The following PDXK variants were observed in gnomAD, a reference collection of about 807,000 sequenced individuals.
PDXK encodes pyridoxal kinase.
PDXK carries 15 observed loss-of-function variants against 43.2 expected under a neutral mutation model. That is an observed-to-expected ratio of 0.35 (90% CI 0.23 to 0.53). The LOEUF (loss-of-function observed/expected upper bound fraction) is 0.53. PDXK is among the 20% of genes least tolerant of loss of function. The pLI is 0.92. For missense variants in PDXK, 343 were observed against 417.0 expected (o/e 0.82, Z 1.54); for synonymous variants, 172 against 165.4 (o/e 1.04, Z -0.31).
intron 1 of PDXK, chr21:43,719,847 C>T (rs2083192114): frequency 6.1e-6 from 6 of 985,480 alleles, no homozygotes; most frequent in Non-Finnish European, 7.2e-6. Flanking sequence ...GCGCTCACCT[C>T]CTGGGCCCCT....
At chr21:43,744,484 G>A (rs902986574) in intron 4 of PDXK, 1 of 153,196 alleles carries the variant, frequency 6.5e-6, no homozygotes, top group South Asian at 2.0e-4. Context: ...AGTGCTTGTC[G>A]GTACAGACGT....
intron 3 of PDXK, among the ~76,000 whole-genome samples, chr21:43,742,980 G>A (rs1159531352): frequency 6.6e-6 from 1 of 152,130 alleles, no homozygotes; most frequent in African/African-American, 2.4e-5. Context: ...GAAGCACAGC[G>A]TTTCTGTTGA....
intron 2 of PDXK, chr21:43,738,358 C>T (rs1166614416): frequency 1.1e-4 from 17 of 152,292 alleles, no homozygotes; most frequent in Admixed American, 1.1e-3. Context: ...ACCTTGGACC[C>T]CCGTGCCCAG....
At position 43,737,297 on chromosome 21, in the gene PDXK, A is replaced by T; in HGVS notation, c.142+3174A>T. The T allele has an allele frequency of 1.4e-6, 2 of 1,396,552 alleles. No homozygotes were observed. The highest frequency in any genetic ancestry group is 1.9e-6 in the Non-Finnish European group (2 of 1,076,856). The allele number at this position is 1,396,552 out of a possible 1,614,324, so 86.5% of individuals were successfully genotyped here. A position where few individuals can be genotyped will look rare whatever the true frequency, so the allele number is the denominator to read the frequency against. On this transcript the variant is annotated intron_variant, in intron 2 of 10. Coordinates refer to ENST00000291565, the MANE Select transcript of PDXK (RefSeq NM_003681.5). The surrounding 1 kb of genome is among the most constrained non-coding windows in gnomAD (Gnocchi z 4.8). The stretch of plus-strand genomic sequence containing the variant: ...ACCTGGCGCAGGCCTCGCCGCCTCG[A>T]GGCTGCTGCTCGCACTTCTGCCCCT...
chr21:43,746,064 C>G lies in PDXK; in HGVS notation c.332-15C>G. On this transcript the variant is annotated splice_polypyrimidine_tract_variant and intron_variant, in intron 4 of 10. Coordinates refer to ENST00000291565, the MANE Select transcript of PDXK (RefSeq NM_003681.5). Reference sequence around the variant, plus strand: ...CTGTAGCCTTTGCTGATAAGATGCCCTTGTGTCTCTGCAGTGTGTGATCCA... The same window carrying G: ...CTGTAGCCTTTGCTGATAAGATGCCGTTGTGTCTCTGCAGTGTGTGATCCA... 1 of 1,609,420 alleles carries G rather than the reference C, an allele frequency of 6.2e-7. No homozygotes were observed.
At chr21:43,724,060 C>G (rs1360107100) in intron 1 of PDXK, among the ~76,000 whole-genome samples, 1 of 152,232 alleles carries the variant, frequency 6.6e-6, no homozygotes, top group African/African-American at 2.4e-5. Context: ...CTCCCTGCAG[C>G]CCCCACCAGA....
At chr21:43,741,646 C>T in intron 2 of PDXK, 21 bp from the exon 3 acceptor site, 1 of 1,605,204 alleles carries the variant, frequency 6.2e-7, no homozygotes, top group African/African-American at 1.3e-5. Context: ...TCTGAGCCCC[C>T]ATGGCTTCCT....
chr21:43,726,745 C>T (rs968387859), intron 1 of PDXK, among the ~76,000 whole-genome samples: 2 of 152,114 alleles, frequency 1.3e-5, no homozygotes, highest in Non-Finnish European at 2.9e-5. Flanking sequence ...TCCCTCTTGC[C>T]TCTGGCTCTA....
Position 43,756,184 on chromosome 21 carries a change from T to C in PDXK, c.*121T>C. ...ACTTGATATTTTTTTCTTTCATGAG[T>C]GTCCGGCATCTGCTGGTCTTCATTG... is the stretch of plus-strand genomic sequence containing the variant. On this transcript the variant is annotated 3_prime_UTR_variant, in exon 11 of 11. Coordinates refer to ENST00000291565, the MANE Select transcript of PDXK (RefSeq NM_003681.5). The C allele has an allele frequency of 4.9e-6, 3 of 610,146 alleles. No homozygotes were observed. The highest frequency in any genetic ancestry group is 8.8e-6 in the Non-Finnish European group (3 of 342,482). 37.8% of individuals were successfully genotyped at this position (610,146 alleles called of 1,614,324 possible).
chr21:43,743,643 G>A, intron 3 of PDXK, 81 bp from the exon 4 acceptor site: 2 of 987,912 alleles, frequency 2.0e-6, no homozygotes, highest in Non-Finnish European at 3.2e-6. Flanking sequence ...AGGGTCTGCT[G>A]GTGCTTCTCT....
rs1020031895 is a variant in PDXK at position 43,738,088 on chromosome 21, A to C, written c.143-3579A>C. 5.1e-6 allele frequency: 5 copies of C among 975,536 alleles called. No homozygotes were observed. In the African/African-American group the frequency reaches 8.8e-5, roughly 17 times the overall value. 60.4% of individuals were successfully genotyped at this position (975,536 alleles called of 1,614,324 possible). A position where few individuals can be genotyped will look rare whatever the true frequency, so the allele number is the denominator to read the frequency against. On this transcript the variant is annotated intron_variant, in intron 2 of 10. Transcript: ENST00000291565. ...GTTATGGCTGAATTACGTCCCCCCA[A>C]ATTCTCATGTTGCAGCCTTAACCCC...
At chr21:43,725,524 G>A (rs184623971) in intron 1 of PDXK, among the ~76,000 whole-genome samples, 20 of 151,736 alleles carry the variant, frequency 1.3e-4, no homozygotes, top group Middle Eastern at 3.4e-3. Flanking sequence ...AAAAGCCAGC[G>A]CTGGGCCAGG....
chr21:43,719,367 A>G lies in PDXK; in HGVS notation c.73A>G (p.Thr25Ala). 1 of 1,524,416 alleles carries G rather than the reference A, an allele frequency of 6.6e-7. No homozygotes were observed. The allele number at this position is 1,524,416 out of a possible 1,614,324, so 94.4% of individuals were successfully genotyped here. ...IRGYVGNRAA[T>A]FPLQVLGFEI... ...CGGCTACGTGGGCAACCGGGCGGCCACGTTCCCGCTGCAGGTACGCATCCG... is the reference window on the plus strand; with the variant it reads ...CGGCTACGTGGGCAACCGGGCGGCCGCGTTCCCGCTGCAGGTACGCATCCG... The change falls in exon 1 of 11, where the codon ACG (threonine) becomes GCG (alanine). Residue 25 changes from threonine (T) to alanine (A), a missense_variant. Physicochemically the swap from Thr to Ala is moderately conservative, Grantham distance 58. Coordinates refer to ENST00000291565, the MANE Select transcript of PDXK (RefSeq NM_003681.5).
At chr21:43,739,771 T>G (rs2083462030) in intron 2 of PDXK, among the ~76,000 whole-genome samples, 1 of 151,682 alleles carries the variant, frequency 6.6e-6, no homozygotes. Flanking sequence ...CCAGGCCATG[T>G]CACCTCCCCA....
At chr21:43,722,602 A>G (rs979920783) in intron 1 of PDXK, among the ~76,000 whole-genome samples, 3 of 151,874 alleles carry the variant, frequency 2.0e-5, no homozygotes, top group Admixed American at 1.3e-4. Flanking sequence ...GTCTGAGACC[A>G]GGGTGTGGGC....
chr21:43,730,504 C>G (rs1568974825), intron 1 of PDXK, among the ~76,000 whole-genome samples: 1 of 152,180 alleles, frequency 6.6e-6, no homozygotes, highest in Non-Finnish European at 1.5e-5. Context: ...AAACTACCAA[C>G]CTGAGCAGGA....
intron 9 of PDXK, 164 bp from the exon 10 acceptor site, chr21:43,755,534 A>C: frequency 1.5e-6 from 1 of 664,298 alleles, no homozygotes; most frequent in Non-Finnish European, 2.7e-6. Flanking sequence ...GGCAGTCCGC[A>C]GCCTGTCCTC....
At chr21:43,755,418 C>T in intron 9 of PDXK, 1 of 464,530 alleles carries the variant, frequency 2.2e-6, no homozygotes, top group Non-Finnish European at 3.9e-6. Flanking sequence ...TGCTGCCTGC[C>T]AAGTTCTATG....
At chr21:43,748,912 C>T in intron 5 of PDXK, 83 bp from the exon 6 acceptor site, 3 of 813,050 alleles carry the variant, frequency 3.7e-6, no homozygotes, top group Non-Finnish European at 6.2e-6. Flanking sequence ...GGGGAGCACT[C>T]CGTGGTGGGC....
Sources: allele counts gnomAD v4.1 joint callset (sites outside exome capture counted in the v4.1 genomes callset), GRCh38; gene constraint gnomAD v4.1.1; non-coding constraint Gnocchi (gnomAD v3.1); transcripts MANE v1.5; gene names NCBI Gene and HGNC (gene_info 2026-07-23, HGNC 2026-07-21).